EML1: variants seen among roughly 807,000 people sequenced by gnomAD.
EML1 encodes the protein echinoderm microtubule-associated protein-like 1.
EML1 carries 27 observed loss-of-function variants against 110.4 expected under a neutral mutation model. The observed-to-expected ratio is 0.24, with a 90% confidence interval of 0.18 to 0.34. EML1 has a LOEUF of 0.34. EML1 is among the 10% of genes least tolerant of loss of function. The pLI, the probability that EML1 is intolerant of heterozygous loss-of-function variation, is 1.00. For synonymous variants in EML1, 344 were observed against 385.8 expected, an observed-to-expected ratio of 0.89 and a Z score of 1.27; for missense variants, 741 against 1,030.9, an observed-to-expected ratio of 0.72 and a Z score of 3.85.
At chr14:99,790,865 C>CT (rs763959981), upstream of EML1, among the ~76,000 whole-genome samples, 592 of 138,534 alleles carry the variant, frequency 4.3e-3, 16 homozygotes, top group Middle Eastern at 0.015. Flanking sequence ...TTTTTCTTTT[C>CT]CTTTTTTTTT....
At chr14:99,823,632 C>T (rs912947125) in intron 1 of EML1, among the ~76,000 whole-genome samples, 9 of 152,054 alleles carry the variant, frequency 5.9e-5, no homozygotes, top group African/African-American at 2.2e-4. Context: ...GTGCCAAGCC[C>T]AGTTCTAGGC....
intron 1 of EML1, among the ~76,000 whole-genome samples, chr14:99,762,290 A>G (rs1316968242): frequency 6.6e-6 from 1 of 152,160 alleles, no homozygotes; most frequent in Non-Finnish European, 1.5e-5. Flanking sequence ...AGAAAAGTGC[A>G]TCCATTTTAC....
chr14:99,835,063 C>T (rs1264291537), intron 1 of EML1, among the ~76,000 whole-genome samples: 1 of 151,918 alleles, frequency 6.6e-6, no homozygotes, highest in Non-Finnish European at 1.5e-5. Context: ...CTCAAGCAAT[C>T]CACCTGCCTC....
At chr14:99,762,095 C>T (rs1017135586) in intron 1 of EML1, among the ~76,000 whole-genome samples, 26 of 152,096 alleles carry the variant, frequency 1.7e-4, no homozygotes, top group African/African-American at 5.5e-4. Flanking sequence ...GACGTGGGCA[C>T]GGACAGGAAA....
At chr14:99,797,125 C>G (rs1450755974) in intron 1 of EML1, among the ~76,000 whole-genome samples, 1 of 152,146 alleles carries the variant, frequency 6.6e-6, no homozygotes, top group Non-Finnish European at 1.5e-5. Flanking sequence ...CCCCATCGCC[C>G]TCACCCCTGG....
At chr14:99,747,592 T>C (rs2140168127) in intron 1 of EML1, among the ~76,000 whole-genome samples, 1 of 152,304 alleles carries the variant, frequency 6.6e-6, no homozygotes, top group Admixed American at 6.5e-5. Context: ...CTGTGTCTAT[T>C]CATGTCTCAT....
rs114155665 is a variant in EML1, at chr14:99,817,976, A to G, written c.67+24433A>G. Among the ~76,000 whole-genome samples, 1,430 of 152,272 alleles carry G rather than the reference A, an allele frequency of 9.4e-3. 16 individuals are homozygous for G. Among genetic ancestry groups the G allele is most frequent in the African/African-American group, 0.032 (1,325 of 41,546 alleles). On this transcript the variant is annotated intron_variant, in intron 1 of 21. Transcript: ENST00000262233. ...CTGAGTTTGGAAGGGTAGAAGTAGA[A>G]GTAAAGCCAGTTAAAGAAGATGGGG...
chr14:99,875,125 A>C, intron 3 of EML1: 1 of 715,410 alleles, frequency 1.4e-6, no homozygotes, highest in Middle Eastern at 2.5e-4. Context: ...TATATTAATC[A>C]TTGACATTTA....
At chr14:99,753,425 C>T (rs770158014) in intron 1 of EML1, among the ~76,000 whole-genome samples, 6 of 151,928 alleles carry the variant, frequency 3.9e-5, no homozygotes, top group Non-Finnish European at 8.8e-5. Context: ...CCCGCCCTCA[C>T]CTCCACAGCC....
chr14:99,847,145 G>A lies in EML1; in HGVS notation c.68-3708G>A, dbSNP rs371109875. 6.8e-4 allele frequency among the ~76,000 whole-genome samples: 103 copies of A among 152,174 alleles called. 1 individual carries two copies. Among genetic ancestry groups the A allele is most frequent in the Middle Eastern group, 6.8e-3 (2 of 294 alleles). ...TGTATTGCTTCATTTCCAAATATTT[G>A]TAGTTGATTTCTAACAATATCATTG... On this transcript the variant is annotated intron_variant, in intron 1 of 21. Coordinates refer to ENST00000262233, the MANE Select transcript of EML1 (RefSeq NM_004434.3).
At chr14:99,829,423 T>C (rs768358409) in intron 1 of EML1, among the ~76,000 whole-genome samples, 1 of 152,238 alleles carries the variant, frequency 6.6e-6, no homozygotes, top group African/African-American at 2.4e-5. Flanking sequence ...TGAAAGCCAG[T>C]CTTTCAAAAT....
chr14:99,765,168 T>C (rs925587298), intron 1 of EML1, among the ~76,000 whole-genome samples: 1 of 152,138 alleles, frequency 6.6e-6, no homozygotes, highest in African/African-American at 2.4e-5. Flanking sequence ...GTCGAATTCC[T>C]GGGCTCAAGT....
chr14:99,913,708 A>G (rs1036995799), intron 13 of EML1, among the ~76,000 whole-genome samples: 9 of 151,544 alleles, frequency 5.9e-5, no homozygotes, highest in Admixed American at 5.9e-4. Context: ...TGTTTTTTTG[A>G]GATGGAGTTT....
At chr14:99,845,139 G>A (rs2058687844) in intron 1 of EML1, among the ~76,000 whole-genome samples, 1 of 152,160 alleles carries the variant, frequency 6.6e-6, no homozygotes, top group Non-Finnish European at 1.5e-5. Context: ...GTGGGGGAGA[G>A]TGTGTTTCAT....
intron 1 of EML1, among the ~76,000 whole-genome samples, chr14:99,795,535 G>C (rs2057754845): frequency 6.6e-6 from 1 of 152,148 alleles, no homozygotes; most frequent in Non-Finnish European, 1.5e-5. Flanking sequence ...ATGTTAACTG[G>C]TGATGTCTTA....
chr14:99,894,657 T>C lies in EML1; in HGVS notation c.576T>C (p.Arg192=). The change falls in exon 6 of 22, where the codon CGT becomes CGC. Residue 192 remains arginine (R), a synonymous_variant. Coordinates refer to ENST00000262233, the MANE Select transcript of EML1 (RefSeq NM_004434.3). ...AAGGCTATGTAAAAATGTTTCTTCGTGGACGCCCTGTTACCATGTACATGC... is the reference window on the plus strand; with the variant it reads ...AAGGCTATGTAAAAATGTTTCTTCGCGGACGCCCTGTTACCATGTACATGC... ...AEEGYVKMFL[R]GRPVTMYMPK... The C allele has an allele frequency of 1.9e-6, 3 of 1,613,046 alleles. No individual in the cohort carries two copies. Among genetic ancestry groups the C allele is most frequent in the Non-Finnish European group, 2.5e-6 (3 of 1,179,672 alleles).
At chr14:99,776,336 C>T (rs952447459) in intron 1 of EML1, among the ~76,000 whole-genome samples, 2 of 152,006 alleles carry the variant, frequency 1.3e-5, no homozygotes, top group African/African-American at 4.8e-5. Context: ...AACCCCGTCT[C>T]AACTAAAAAT....
chr14:99,849,952 G>A (rs946682991), intron 1 of EML1, among the ~76,000 whole-genome samples: 4 of 147,444 alleles, frequency 2.7e-5, no homozygotes, highest in Non-Finnish European at 4.5e-5. Context: ...CCTGTCACCC[G>A]GGGTCTTGCT....
upstream of EML1, among the ~76,000 whole-genome samples, chr14:99,791,760 C>A (rs1301960007): frequency 6.6e-6 from 1 of 152,208 alleles, no homozygotes; most frequent in East Asian, 1.9e-4. Context: ...TCAACAGTGG[C>A]CTGCCTGCGT....
Sources: allele counts gnomAD v4.1 joint callset (sites outside exome capture counted in the v4.1 genomes callset), GRCh38; gene constraint gnomAD v4.1.1; transcripts MANE v1.5; gene names NCBI Gene and HGNC (gene_info 2026-07-23, HGNC 2026-07-21).